The following DERA variants were observed in gnomAD, a reference collection of about 807,000 sequenced individuals.
DERA encodes 2-deoxy-D-ribose 5-phosphate aldolase.
A neutral mutation model predicts 41.1 loss-of-function variants in DERA; 15 were observed. The ratio of observed to expected loss-of-function variants is 0.37; its 90% CI spans 0.24 to 0.56. DERA has a LOEUF of 0.56. DERA is among the 20% of genes least tolerant of loss of function. The pLI, the probability that DERA is intolerant of heterozygous loss-of-function variation, is 0.81. For synonymous variants in DERA, 139 were observed against 137.4 expected, an observed-to-expected ratio of 1.01 and a Z score of -0.08; for missense variants, 396 against 403.4, an observed-to-expected ratio of 0.98 and a Z score of 0.16.
Position 15,924,216 on chromosome 12 carries a change from C to G in DERA, c.31+12802C>G, listed in dbSNP as rs899933436. 1.3e-5 allele frequency among the ~76,000 whole-genome samples: 2 copies of G among 152,036 alleles called. No homozygotes were observed. The highest frequency in any genetic ancestry group is 2.9e-5 in the Non-Finnish European group (2 of 68,026). On this transcript the variant is annotated intron_variant, in intron 1 of 8. Coordinates refer to ENST00000428559, the MANE Select transcript of DERA (RefSeq NM_015954.4). The surrounding 1 kb of genome is among the most constrained non-coding windows in gnomAD (Gnocchi z 5.0). ...GCTGCAGTGGGAGGATCGCTTGAGC[C>G]CAGGAGTTTGAGATTAGCCTGGGCA...
At chr12:15,955,003 A>G (rs1036276474) in intron 1 of DERA, among the ~76,000 whole-genome samples, 1 of 152,042 alleles carries the variant, frequency 6.6e-6, no homozygotes, top group Non-Finnish European at 1.5e-5. Context: ...AGGAGAAAAA[A>G]AAAAAGCCTC....
intron 1 of DERA, among the ~76,000 whole-genome samples, chr12:15,923,093 G>A (rs1948256789): frequency 6.9e-6 from 1 of 145,678 alleles, no homozygotes; most frequent in African/African-American, 2.6e-5. Context: ...CGCGATCTCG[G>A]CTCACTGCAA....
Position 15,985,445 on chromosome 12 carries a change from A to G in DERA, c.637+3009A>G, listed in dbSNP as rs1158939102. 6.6e-6 allele frequency: 1 copy of G among 151,972 alleles called. No homozygotes were observed. The highest frequency in any genetic ancestry group is 1.5e-5 in the Non-Finnish European group (1 of 67,980). The allele number at this position is 151,972 out of a possible 1,614,324, so 9.4% of individuals were successfully genotyped here. On this transcript the variant is annotated intron_variant, in intron 6 of 8. Transcript: ENST00000428559. This position sits in a 1 kb window ranked among gnomAD's most constrained non-coding sequence, Gnocchi z 4.2. ...TTATATCTCTTTCTTTATTCTTGATATTGGTCATTTTTGTTTCCTTTCCTG... is the reference window on the plus strand; with the variant it reads ...TTATATCTCTTTCTTTATTCTTGATGTTGGTCATTTTTGTTTCCTTTCCTG...
In DERA at chr12:15,936,312, C is replaced by G. The variant is rs1948363783; in HGVS notation, c.32-20624C>G. Among the ~76,000 whole-genome samples the G allele has an allele frequency of 6.6e-6, 1 of 152,142 alleles. No individual in the cohort carries two copies. Among genetic ancestry groups the G allele is most frequent in the Non-Finnish European group, 1.5e-5 (1 of 68,014 alleles). On this transcript the variant is annotated intron_variant, in intron 1 of 8. Transcript: ENST00000428559. This position sits in a 1 kb window ranked among gnomAD's most constrained non-coding sequence, Gnocchi z 4.6. ...AGTTTCTTCCTATGGCTAAAGATTT[C>G]AAACATTCAGAAAAGTAGGACTAGT...
rs1247544154 is a variant in DERA, at chr12:15,982,300, T to C, written c.509-8T>C. On this transcript the variant is annotated splice_region_variant and splice_polypyrimidine_tract_variant and intron_variant, in intron 5 of 8. Transcript: ENST00000428559. The surrounding 1 kb of genome is among the most constrained non-coding windows in gnomAD (Gnocchi z 4.0). ...CTTTGTAACTGCCTCAATTATTTTC[T>C]TCCCCAGCCCTGTATGATGAGATTC... 4.4e-6 allele frequency: 7 copies of C among 1,603,326 alleles called. No individual in the cohort carries two copies. Among genetic ancestry groups the C allele is most frequent in the African/African-American group, 1.3e-5 (1 of 74,386 alleles).
In DERA at chr12:15,915,686, C is replaced by T. The variant is rs560559745; in HGVS notation, c.31+4272C>T. ...ATTTAATACCTACTGTGTGCAGACA[C>T]TGTGCTTAGGTGCTGGGTATAATGA... On this transcript the variant is annotated intron_variant, in intron 1 of 8. Coordinates refer to ENST00000428559, the MANE Select transcript of DERA (RefSeq NM_015954.4). The surrounding 1 kb of genome is among the most constrained non-coding windows in gnomAD (Gnocchi z 4.8). Among the ~76,000 whole-genome samples the T allele has an allele frequency of 1.2e-4, 19 of 152,308 alleles. No individual in the cohort carries two copies. The highest frequency in any genetic ancestry group is 4.6e-4 in the African/African-American group (19 of 41,566).
chr12:15,957,488 C>CA lies in DERA; in HGVS notation c.129+460dup, dbSNP rs1226726389. ...TTCTATAAATCATTTTTCAAAATTC[C>CA]AAAAATGATGTTTCGTAGAGTACTT... On this transcript the variant is annotated intron_variant, in intron 2 of 8. Coordinates refer to ENST00000428559, the MANE Select transcript of DERA (RefSeq NM_015954.4). This position sits in a 1 kb window ranked among gnomAD's most constrained non-coding sequence, Gnocchi z 4.8. Among the ~76,000 whole-genome samples the CA allele has an allele frequency of 6.6e-6, 1 of 151,988 alleles. No homozygotes were observed. The highest frequency in any genetic ancestry group is 2.4e-5 in the African/African-American group (1 of 41,364).
intron 1 of DERA, among the ~76,000 whole-genome samples, chr12:15,944,410 T>C (rs1169586995): frequency 6.6e-6 from 1 of 152,222 alleles, no homozygotes; most frequent in Non-Finnish European, 1.5e-5. Flanking sequence ...GACTTTTTAA[T>C]GATTGCCCTT....
At chr12:15,949,459 GCAA>G in intron 1 of DERA, among the ~76,000 whole-genome samples, 1 of 92,876 alleles carries the variant, frequency 1.1e-5, no homozygotes, top group Non-Finnish European at 2.5e-5. Context: ...TGCTGTGCTA[GCAA>G]TGAGCAAGGC....
rs1040279505 is a variant in DERA at position 15,976,236 on chromosome 12, C to G, written c.509-6072C>G. 6.6e-6 allele frequency among the ~76,000 whole-genome samples: 1 copy of G among 152,082 alleles called. No individual in the cohort carries two copies. The highest frequency in any genetic ancestry group is 2.4e-5 in the African/African-American group (1 of 41,414). On this transcript the variant is annotated intron_variant, in intron 5 of 8. Coordinates refer to ENST00000428559, the MANE Select transcript of DERA (RefSeq NM_015954.4). The surrounding 1 kb of genome is among the most constrained non-coding windows in gnomAD (Gnocchi z 4.1). ...TATCCATTATCTTCAGTATATTCAT[C>G]TTTTTTATCAATATTTGCCTTTTTA...
chr12:15,955,072 G>A (rs1389395829), intron 1 of DERA, among the ~76,000 whole-genome samples: 2 of 152,052 alleles, frequency 1.3e-5, no homozygotes, highest in Non-Finnish European at 2.9e-5. Context: ...GGGCGAGGCA[G>A]GTAGATCACT....
Position 15,956,990 on chromosome 12 carries a change from C to T in DERA, c.86C>T (p.Ala29Val), listed in dbSNP as rs201549411. Residue 29 changes from alanine to valine, a missense_variant, in exon 2 of 9, where the codon GCG (alanine) becomes GTG (valine). Physicochemically the swap from Ala to Val is moderately conservative, Grantham distance 64. Coordinates refer to ENST00000428559, the MANE Select transcript of DERA (RefSeq NM_015954.4). ...QVNHPAVLRR[A>V]EQIQARRTVK... ...AATCACCCGGCAGTTCTGAGGCGTG[C>T]GGAACAAATCCAGGCTCGCAGAACC... The T allele has an allele frequency of 2.2e-5, 35 of 1,613,850 alleles. No homozygotes were observed. The East Asian group carries it at 3.6e-4, about 16-fold the overall frequency.
intron 6 of DERA, among the ~76,000 whole-genome samples, chr12:16,016,791 C>CAAA (rs55996641): frequency 0.013 from 749 of 58,640 alleles, 13 homozygotes; most frequent in African/African-American, 0.017. Flanking sequence ...GACCCTGTCT[C>CAAA]AAAAAAAAAA....
chr12:15,934,544 G>A (rs368126465), intron 1 of DERA, among the ~76,000 whole-genome samples: 9 of 151,920 alleles, frequency 5.9e-5, no homozygotes, highest in Non-Finnish European at 1.2e-4. Flanking sequence ...AGCCGAGATC[G>A]TGCCACTGCA....
intron 1 of DERA, among the ~76,000 whole-genome samples, chr12:15,917,671 C>T (rs1948210527): frequency 6.6e-6 from 1 of 152,286 alleles, no homozygotes; most frequent in African/African-American, 2.4e-5. Flanking sequence ...TTACCCTTTG[C>T]TTTACACCAA....
chr12:15,922,138 A>G lies in DERA; in HGVS notation c.31+10724A>G, dbSNP rs1241140690. Reference sequence around the variant, plus strand: ...TCTTTGTGAAAGCTATAAGAGCAATAGAACTTAGGAGCCCTGCCCTTGAGA... The same window carrying G: ...TCTTTGTGAAAGCTATAAGAGCAATGGAACTTAGGAGCCCTGCCCTTGAGA... On this transcript the variant is annotated intron_variant, in intron 1 of 8. Coordinates refer to ENST00000428559, the MANE Select transcript of DERA (RefSeq NM_015954.4). The surrounding 1 kb of genome is among the most constrained non-coding windows in gnomAD (Gnocchi z 4.9). 6.6e-6 allele frequency among the ~76,000 whole-genome samples: 1 copy of G among 152,152 alleles called. No homozygotes were observed. The highest frequency in any genetic ancestry group is 2.4e-5 in the African/African-American group (1 of 41,432).
In DERA at chr12:15,998,179, C is replaced by T. The variant is rs1329480259; in HGVS notation, c.637+15743C>T. Among the ~76,000 whole-genome samples, 6 of 152,122 alleles carry T rather than the reference C, an allele frequency of 3.9e-5. No individual in the cohort carries two copies. The highest frequency in any genetic ancestry group is 9.7e-5 in the African/African-American group (4 of 41,418). On this transcript the variant is annotated intron_variant, in intron 6 of 8. Transcript: ENST00000428559. The surrounding 1 kb of genome is among the most constrained non-coding windows in gnomAD (Gnocchi z 4.8). ...AGATTGTGATTTCAGGGGTCATGAACGGAGCCAAGGAAATTCATACTTTGA... is the reference window on the plus strand; with the variant it reads ...AGATTGTGATTTCAGGGGTCATGAATGGAGCCAAGGAAATTCATACTTTGA...
At chr12:15,932,929 A>G (rs1463704552) in intron 1 of DERA, among the ~76,000 whole-genome samples, 4 of 151,942 alleles carry the variant, frequency 2.6e-5, no homozygotes, top group Admixed American at 1.3e-4. Flanking sequence ...TATTAAGTGA[A>G]CCCTTTATGT....
At chr12:15,925,767 C>A (rs1359790531) in intron 1 of DERA, among the ~76,000 whole-genome samples, 1 of 148,130 alleles carries the variant, frequency 6.8e-6, no homozygotes, top group Non-Finnish European at 1.5e-5. Flanking sequence ...GAGGACCTTA[C>A]AAGCATCAAA....
Sources: gnomAD v4.1 joint callset for allele counts (sites outside exome capture counted in the v4.1 genomes callset) on GRCh38, gnomAD v4.1.1 for gene constraint, Gnocchi (gnomAD v3.1) non-coding constraint, MANE v1.5 for transcripts, NCBI Gene and HGNC (gene_info 2026-07-23, HGNC 2026-07-21) for gene names.